GMEB1: variants seen among roughly 807,000 people sequenced by gnomAD.
The protein encoded by GMEB1 is glucocorticoid modulatory element binding protein 1.
Under a neutral mutation model 52.4 loss-of-function variants are expected in GMEB1, and 6 were observed. The ratio of observed to expected loss-of-function variants is 0.11; its 90% CI spans 0.06 to 0.23. The LOEUF (loss-of-function observed/expected upper bound fraction) is 0.23. Among genes scored for constraint, GMEB1 ranks in the 10% least tolerant of loss-of-function variants. The pLI is 1.00. For synonymous variants in GMEB1, 255 were observed against 244.9 expected (o/e 1.04, Z -0.38); for missense variants, 486 against 685.6 (o/e 0.71, Z 3.25).
rs189067260 is a variant in GMEB1 at position 28,714,569 on chromosome 1, G to C, written c.1488G>C (p.Ser496=). The part of the protein sequence containing the change: ...ELVAMESGLT[S]AIQAVESTSE... ...TGGCCATGGAGTCCGGCCTAACCTCGGCAATTCAGGCTGTTGAAAGCACCT... is the reference window on the plus strand; with the variant it reads ...TGGCCATGGAGTCCGGCCTAACCTCCGCAATTCAGGCTGTTGAAAGCACCT... The change falls in exon 10 of 10, where the codon TCG becomes TCC. Residue 496 remains serine (S), a synonymous_variant. Transcript: ENST00000373816. 1 of 1,613,976 alleles carries C rather than the reference G, an allele frequency of 6.2e-7. No homozygotes were observed. Among genetic ancestry groups the C allele is most frequent in the Non-Finnish European group, 8.5e-7 (1 of 1,180,040 alleles).
Position 28,715,138 on chromosome 1 carries a change from C to G in GMEB1, c.*365C>G, listed in dbSNP as rs1000137848. ...CTTGTAAAGATGCATTGACCAAACT[C>G]TGGAACACAGATCTGACACTGGAAG... On this transcript the variant is annotated 3_prime_UTR_variant, in exon 10 of 10. Transcript: ENST00000373816. 1.5e-5 allele frequency: 3 copies of G among 199,442 alleles called. No individual in the cohort carries two copies. The highest frequency in any genetic ancestry group is 1.0e-5 in the Non-Finnish European group (1 of 95,944). The allele number at this position is 199,442 out of a possible 1,614,324, so 12.4% of individuals were successfully genotyped here. A position where few individuals can be genotyped will look rare whatever the true frequency, so the allele number is the denominator to read the frequency against.
chr1:28,707,395 G>A (rs1670835556), intron 8 of GMEB1, among the ~76,000 whole-genome samples: 1 of 152,090 alleles, frequency 6.6e-6, no homozygotes, highest in Non-Finnish European at 1.5e-5. Flanking sequence ...AACAAGACCA[G>A]TTGGGAAGCT....
At chr1:28,702,718 TC>T (rs1394032024) in intron 7 of GMEB1, 149 bp downstream of exon 7, 2 of 649,546 alleles carry the variant, frequency 3.1e-6, no homozygotes, top group Middle Eastern at 4.6e-4. Context: ...CCTACTTTAA[TC>T]CATGCAATAG....
At chr1:28,671,752 A>C (rs570035731) in intron 1 of GMEB1, among the ~76,000 whole-genome samples, 5 of 151,754 alleles carry the variant, frequency 3.3e-5, no homozygotes, top group Non-Finnish European at 4.4e-5. Context: ...TCACTAAAAA[A>C]TAAATAAATA....
intron 1 of GMEB1, among the ~76,000 whole-genome samples, chr1:28,678,471 G>A (rs929347209): frequency 1.3e-5 from 2 of 151,916 alleles, no homozygotes; most frequent in Admixed American, 1.3e-4. Context: ...CATCGCGCCT[G>A]GCTAATTTTT....
At chr1:28,685,132 AT>A (rs1669578009) in intron 2 of GMEB1, among the ~76,000 whole-genome samples, 1 of 152,168 alleles carries the variant, frequency 6.6e-6, no homozygotes. Flanking sequence ...AGGGGAAATT[AT>A]CAAGCTGAGT....
intron 5 of GMEB1, among the ~76,000 whole-genome samples, chr1:28,695,938 CAAAAAAAAAAAAAAAA>C (rs58978972): frequency 2.9e-4 from 12 of 41,054 alleles, no homozygotes; most frequent in Admixed American, 1.8e-3. Context: ...GACTCCGTCT[CAAAAAAAAAAAAAAAA>C]AAAAAAAAAA....
chr1:28,691,768 A>C, intron 4 of GMEB1, 59 bp downstream of exon 4: 1 of 777,304 alleles, frequency 1.3e-6, no homozygotes. Flanking sequence ...AAAGGGTGTG[A>C]GTTCCATGCA....
chr1:28,688,468 A>G (rs1225207361), intron 2 of GMEB1, among the ~76,000 whole-genome samples: 2 of 152,198 alleles, frequency 1.3e-5, no homozygotes, highest in African/African-American at 4.8e-5. Flanking sequence ...GCTTTATTAC[A>G]GAAATTAAAT....
chr1:28,690,322 A>T, intron 3 of GMEB1, 136 bp downstream of exon 3: 1 of 507,746 alleles, frequency 2.0e-6, no homozygotes, highest in Non-Finnish European at 3.4e-6. Flanking sequence ...TACCAGTACT[A>T]CAGCCCTCGA....
rs529212796 is a variant in GMEB1 at position 28,710,377 on chromosome 1, A to AAT, written c.869-141_869-140dup. The AAT allele has an allele frequency of 1.1e-4, 53 of 477,476 alleles. 1 individual carries two copies. In the South Asian group the frequency reaches 2.4e-3, roughly 22 times the overall value. The allele number at this position is 477,476 out of a possible 1,614,324, so 29.6% of individuals were successfully genotyped here. A position where few individuals can be genotyped will look rare whatever the true frequency, so the allele number is the denominator to read the frequency against. On this transcript the variant is annotated intron_variant, in intron 8 of 9. Transcript: ENST00000373816. ...TTAAACCAGTAGTCATTATACATGT[A>AAT]ATAAATCTTTGTTAAAAATGTGTTA...
chr1:28,692,894 C>T (rs748701572), intron 4 of GMEB1, 48 bp from the exon 5 acceptor site: 4 of 958,078 alleles, frequency 4.2e-6, no homozygotes, highest in Non-Finnish European at 6.5e-6. Flanking sequence ...CCCTCTTGGC[C>T]TGCCTAAGTT....
intron 3 of GMEB1, 23 bp from the exon 4 acceptor site, chr1:28,691,562 A>T: frequency 6.7e-7 from 1 of 1,500,644 alleles, no homozygotes; most frequent in South Asian, 1.3e-5. Flanking sequence ...TTGATAAATA[A>T]CTGATATTTT....
chr1:28,687,371 C>CAAAAAAAAAA (rs1557504166), intron 2 of GMEB1, among the ~76,000 whole-genome samples: 1 of 33,522 alleles, frequency 3.0e-5, no homozygotes, highest in African/African-American at 1.9e-4. Context: ...CACACACACA[C>CAAAAAAAAAA]ACACACACAC....
At position 28,683,620 on chromosome 1, in the gene GMEB1, A is replaced by G. The variant is rs369332884; in HGVS notation, c.8A>G (p.Asn3Ser). The G allele has an allele frequency of 1.9e-6, 3 of 1,606,126 alleles. No individual in the cohort carries two copies. The highest frequency in any genetic ancestry group is 2.5e-6 in the Non-Finnish European group (3 of 1,177,060). Residue 3 changes from asparagine to serine, a missense_variant, in exon 2 of 10, where the codon AAT becomes AGT. Physicochemically the swap from Asn to Ser is conservative, Grantham distance 46. Coordinates refer to ENST00000373816, the MANE Select transcript of GMEB1 (RefSeq NM_001319674.2). The stretch of plus-strand genomic sequence containing the variant: ...TCTGACTTCATGTGAAAGATGGCTA[A>G]TGCAGAAGTGAGTGTCCCAGTGGGG... MANAEVSVPVGDV... is the reference protein window; with the variant it reads MASAEVSVPVGDV...
intron 1 of GMEB1, 160 bp from the exon 2 acceptor site, chr1:28,683,423 C>G: frequency 1.9e-6 from 1 of 523,892 alleles, no homozygotes. Flanking sequence ...ACAGATTTCT[C>G]CATGTTGGTC....
At chr1:28,702,622 C>T (rs1303977071) in intron 7 of GMEB1, 53 bp downstream of exon 7, 4 of 1,524,364 alleles carry the variant, frequency 2.6e-6, no homozygotes, top group South Asian at 2.3e-5. Context: ...GCCTTATCAC[C>T]ATTATCATTA....
intron 1 of GMEB1, among the ~76,000 whole-genome samples, chr1:28,679,322 C>T (rs1055538423): frequency 1.3e-5 from 2 of 152,092 alleles, no homozygotes; most frequent in South Asian, 2.1e-4. Context: ...GGATTACAGG[C>T]GCCCACCAAC....
At chr1:28,698,472 G>A (rs1670334679) in intron 6 of GMEB1, among the ~76,000 whole-genome samples, 3 of 150,440 alleles carry the variant, frequency 2.0e-5, no homozygotes, top group South Asian at 2.1e-4. Context: ...TCAGGAGATC[G>A]AGACTATCCT....
Sources: gnomAD v4.1 joint callset for allele counts (sites outside exome capture counted in the v4.1 genomes callset) on GRCh38, gnomAD v4.1.1 for gene constraint, MANE v1.5 for transcripts, NCBI Gene and HGNC (gene_info 2026-07-23, HGNC 2026-07-21) for gene names.